RIPOR2: variants seen among roughly 807,000 people sequenced by gnomAD.
The protein encoded by RIPOR2 is RHO family interacting cell polarization regulator 2, also known as rho family-interacting cell polarization regulator 2.
In RIPOR2, 39 loss-of-function variants were observed where a neutral mutation model predicts 114.5. The observed-to-expected ratio is 0.34, with a 90% CI of 0.26 to 0.44. The LOEUF is 0.44. Ranked by LOEUF, RIPOR2 falls within the 20% of genes least tolerant of loss-of-function variation. RIPOR2 has a pLI of 1.00. For synonymous variants in RIPOR2, 445 were observed against 484.4 expected (o/e 0.92, Z 1.07); for missense variants, 1,007 against 1,255.1 (o/e 0.80, Z 2.99).
intron 1 of RIPOR2, among the ~76,000 whole-genome samples, chr6:24,880,586 A>G (rs2817716): frequency 0.7 from 107,169 of 152,166 alleles, 38,826 homozygotes; most frequent in African/African-American, 0.88. Flanking sequence ...GCCTAGAAAT[A>G]GAAGTGAAAA....
At chr6:24,992,334 C>T (rs962507598) in intron 1 of RIPOR2, among the ~76,000 whole-genome samples, 7 of 152,092 alleles carry the variant, frequency 4.6e-5, no homozygotes, top group East Asian at 1.9e-4. Flanking sequence ...CCAATATGCA[C>T]GAATTTGCTC....
At chr6:25,000,706 G>T (rs1265527399) in intron 1 of RIPOR2, among the ~76,000 whole-genome samples, 4 of 151,310 alleles carry the variant, frequency 2.6e-5, no homozygotes, top group Non-Finnish European at 4.4e-5. Flanking sequence ...GAGTATCTCT[G>T]TGGAAAAGTA....
intron 1 of RIPOR2, among the ~76,000 whole-genome samples, chr6:24,911,573 A>G (rs978604973): frequency 8.5e-5 from 13 of 152,146 alleles, no homozygotes; most frequent in Non-Finnish European, 1.5e-4. Flanking sequence ...CACTCTCTCT[A>G]CCGGGGCTGC....
chr6:24,851,141 C>T (rs529187090), intron 9 of RIPOR2, among the ~76,000 whole-genome samples: 8 of 152,178 alleles, frequency 5.3e-5, no homozygotes, highest in East Asian at 3.9e-4. Flanking sequence ...GTCATCTGCC[C>T]GCCTCAGCCT....
At chr6:24,912,009 A>G (rs897428741) in intron 1 of RIPOR2, among the ~76,000 whole-genome samples, 1 of 152,226 alleles carries the variant, frequency 6.6e-6, no homozygotes, top group Non-Finnish European at 1.5e-5. Flanking sequence ...ACATGTCAAC[A>G]TGGGAAACAC....
chr6:24,977,021 T>C, intron 1 of RIPOR2: 1 of 1,482,604 alleles, frequency 6.7e-7, no homozygotes, highest in East Asian at 2.3e-5. Context: ...GATCATTCCT[T>C]CTGTAGCTCA....
intron 1 of RIPOR2, among the ~76,000 whole-genome samples, chr6:24,899,155 G>A (rs1214412727): frequency 1.3e-5 from 2 of 151,952 alleles, no homozygotes; most frequent in African/African-American, 4.8e-5. Context: ...TGAAGGTTCA[G>A]GGACAATGTG....
Position 24,929,728 on chromosome 6 carries a change from T to A in RIPOR2, c.61+6110A>T, listed in dbSNP as rs549917146. Among the ~76,000 whole-genome samples the A allele has an allele frequency of 2.6e-3, 389 of 152,254 alleles. 4 individuals carry two copies. Among genetic ancestry groups the A allele is most frequent in the Middle Eastern group, 0.017 (5 of 294 alleles). ...ATAATTAGTAGACAAAATTTTGCCA[T>A]CCGAAAATAAATGAGAAGTTGAATA... On this transcript the variant is annotated intron_variant, in intron 1 of 21. Transcript: ENST00000643898.
intron 5 of RIPOR2, among the ~76,000 whole-genome samples, chr6:24,870,291 G>A (rs987350218): frequency 1.3e-5 from 2 of 152,072 alleles, no homozygotes; most frequent in East Asian, 1.9e-4. Flanking sequence ...GCCTCCAAAC[G>A]CCTGGGAAGT....
chr6:24,872,711 G>A lies in RIPOR2; in HGVS notation c.423+170C>T, dbSNP rs10946735. On this transcript the variant is annotated intron_variant, in intron 4 of 21. Transcript: ENST00000643898. Reference sequence around the variant, plus strand: ...AAAAGTATTAACTAGAATGCATTAAGAAGAAAACATACCCTTCTTTTTCCT... The same window carrying A: ...AAAAGTATTAACTAGAATGCATTAAAAAGAAAACATACCCTTCTTTTTCCT... Among the ~76,000 whole-genome samples the A allele has an allele frequency of 0.095, 14,441 of 152,192 alleles. 803 individuals are homozygous for A. The highest frequency in any genetic ancestry group is 0.16 in the African/African-American group (6,705 of 41,488).
intron 1 of RIPOR2, chr6:25,023,656 T>A: frequency 1.3e-6 from 1 of 762,776 alleles, no homozygotes. Context: ...CATAGATACC[T>A]CGGGACTTCA....
intron 1 of RIPOR2, chr6:25,015,921 TTTTA>T: frequency 7.1e-6 from 1 of 141,256 alleles, no homozygotes; most frequent in African/African-American, 2.6e-5. Context: ...TTTTTTTTTT[TTTTA>T]AGGAGTCTTA....
intron 1 of RIPOR2, among the ~76,000 whole-genome samples, chr6:24,949,100 C>CT (rs1772613991): frequency 6.6e-6 from 1 of 151,968 alleles, no homozygotes; most frequent in Non-Finnish European, 1.5e-5. Context: ...TTCTTAGAAC[C>CT]ATATCTGGTG....
intron 1 of RIPOR2, among the ~76,000 whole-genome samples, chr6:24,876,072 C>G (rs1765708768): frequency 6.6e-6 from 1 of 152,174 alleles, no homozygotes; most frequent in South Asian, 2.1e-4. Context: ...AGGTGGATCA[C>G]CTGAAGTCAG....
intron 1 of RIPOR2, among the ~76,000 whole-genome samples, chr6:25,026,840 G>T (rs1776650030): frequency 1.3e-5 from 2 of 152,188 alleles, no homozygotes; most frequent in South Asian, 4.1e-4. Flanking sequence ...GCTGAGGCCT[G>T]GGGGAAATAA....
Position 24,804,952 on chromosome 6 carries a change from G to C in RIPOR2, c.*1421C>G, listed in dbSNP as rs1780685480. On this transcript the variant is annotated 3_prime_UTR_variant, in exon 22 of 22. Transcript: ENST00000643898. ...TACTGAAGCAATAATGGGACCTGAT[G>C]TTTGAACTATTTGGCCAGGGAATCC... The C allele has an allele frequency of 6.6e-6, 1 of 152,294 alleles. No individual in the cohort carries two copies. Among genetic ancestry groups the C allele is most frequent in the East Asian group, 1.9e-4 (1 of 5,190 alleles). The allele number at this position is 152,294 out of a possible 1,614,324, so 9.4% of individuals were successfully genotyped here.
At chr6:24,951,394 C>T (rs879271330) in intron 1 of RIPOR2, among the ~76,000 whole-genome samples, 10 of 152,202 alleles carry the variant, frequency 6.6e-5, no homozygotes, top group Non-Finnish European at 1.0e-4. Flanking sequence ...GTTTTGCAGT[C>T]GAATCGCTGT....
At chr6:24,981,002 C>T (rs1774265552) in intron 1 of RIPOR2, among the ~76,000 whole-genome samples, 1 of 152,162 alleles carries the variant, frequency 6.6e-6, no homozygotes, top group Admixed American at 6.5e-5. Context: ...CTTTCTCCAC[C>T]TCTGTAGGAG....
chr6:24,920,421 T>C (rs981832590), intron 1 of RIPOR2, among the ~76,000 whole-genome samples: 1 of 152,090 alleles, frequency 6.6e-6, no homozygotes, highest in Non-Finnish European at 1.5e-5. Context: ...GACATTAAGC[T>C]CTCAACTTCA....
Sources: gnomAD v4.1 joint callset for allele counts (sites outside exome capture counted in the v4.1 genomes callset) on GRCh38, gnomAD v4.1.1 for gene constraint, MANE v1.5 for transcripts, NCBI Gene and HGNC (gene_info 2026-07-23, HGNC 2026-07-21) for gene names.